The following SEZ6L2 variants were observed in gnomAD, a reference collection of about 807,000 sequenced individuals.
SEZ6L2 encodes seizure 6-like protein 2.
Under a neutral mutation model 97.0 loss-of-function variants are expected in SEZ6L2, and 44 were observed. That is an observed-to-expected ratio of 0.45 (90% confidence interval 0.36 to 0.58). The LOEUF (loss-of-function observed/expected upper bound fraction) is 0.58. SEZ6L2 is among the 20% of genes least tolerant of loss of function. SEZ6L2 has a pLI of 0.00. For missense variants in SEZ6L2, 1,086 were observed against 1,233.3 expected, an observed-to-expected ratio of 0.88 and a Z score of 1.79; for synonymous variants, 543 against 546.1, an observed-to-expected ratio of 0.99 and a Z score of 0.08.
chr16:29,895,553 G>A (rs749795417), intron 4 of SEZ6L2, 93 bp from the exon 5 acceptor site: 6 of 1,451,898 alleles, frequency 4.1e-6, no homozygotes, highest in Non-Finnish European at 5.6e-6. Flanking sequence ...GTGTGTAGCA[G>A]CCCAAAAGGC....
rs1027726781 is a variant in SEZ6L2 at position 29,899,259 on chromosome 16, T to A, written c.-240A>T. 2.2e-6 allele frequency: 1 copy of A among 460,464 alleles called. No homozygotes were observed. Among genetic ancestry groups the A allele is most frequent in the African/African-American group, 2.1e-5 (1 of 47,620 alleles). 28.5% of individuals were successfully genotyped at this position (460,464 alleles called of 1,614,324 possible). On this transcript the variant is annotated 5_prime_UTR_variant, in exon 1 of 18. Coordinates refer to ENST00000617533, the MANE Select transcript of SEZ6L2 (RefSeq NM_001243332.2). ...CTCCTCTGTCCTCTTCTCGCGGCTC[T>A]GTGGTGGAGGGGGCGCGGCTCCGGC...
Position 29,895,527 on chromosome 16 carries a change from C to A in SEZ6L2, c.652-67G>T. 3 of 1,557,452 alleles carry A rather than the reference C, an allele frequency of 1.9e-6. No individual in the cohort carries two copies. The South Asian group carries it at 3.5e-5, about 18-fold the overall frequency. ...GGTGTTTGACTTCCAAAGCCCCTGT[C>A]CTGTGCCTTTGCCCTGTGTGTAGCA... On this transcript the variant is annotated intron_variant, in intron 4 of 17. Transcript: ENST00000617533.
chr16:29,894,922 G>A (rs1596991084), intron 5 of SEZ6L2, among the ~76,000 whole-genome samples: 1 of 152,120 alleles, frequency 6.6e-6, no homozygotes, highest in Non-Finnish European at 1.5e-5. Flanking sequence ...GCTCTTGCCT[G>A]TAATCCCAGC....
chr16:29,892,597 C>A (rs2068292664), intron 5 of SEZ6L2, among the ~76,000 whole-genome samples: 1 of 152,216 alleles, frequency 6.6e-6, no homozygotes, highest in African/African-American at 2.4e-5. Flanking sequence ...GCAGAGGCCT[C>A]AAAAGAGGCT....
In SEZ6L2 at chr16:29,887,671, A is replaced by G; in HGVS notation, c.1186T>C (p.Ser396Pro). ...RRLHLHFERV[S>P]LDEDNDRLMV... is the part of the protein sequence containing the mutation. ...TACCGGTCATTGTCCTCATCCAGCG[A>G]GACCCTTTCAAAGTGCAGGTGCAGC... The change falls in exon 7 of 18, where the codon TCG (serine) becomes CCG (proline). Residue 396 changes from serine (S) to proline (P), a missense_variant. By Grantham distance (74) the Ser-to-Pro change is moderately conservative. This residue lies in a region of SEZ6L2 where 776 missense variants were observed against 794.7 expected (regional missense o/e 0.98). Coordinates refer to ENST00000617533, the MANE Select transcript of SEZ6L2 (RefSeq NM_001243332.2). The G allele has an allele frequency of 6.3e-7, 1 of 1,595,272 alleles. No individual in the cohort carries two copies. The highest frequency in any genetic ancestry group is 8.6e-7 in the Non-Finnish European group (1 of 1,169,042).
chr16:29,871,593 G>A lies in SEZ6L2; in HGVS notation c.*106C>T. On this transcript the variant is annotated 3_prime_UTR_variant, in exon 18 of 18. Coordinates refer to ENST00000617533, the MANE Select transcript of SEZ6L2 (RefSeq NM_001243332.2). ...GTGGGATAGGGAGACTATTTACACA[G>A]CCAGGGAGGAGGGCAGCCAGGAGGC... 8.8e-7 allele frequency: 1 copy of A among 1,142,308 alleles called. No homozygotes were observed. The highest frequency in any genetic ancestry group is 1.3e-6 in the Non-Finnish European group (1 of 773,204). 70.8% of individuals were successfully genotyped at this position (1,142,308 alleles called of 1,614,324 possible).
chr16:29,891,467 C>T (rs2068270895), intron 5 of SEZ6L2, among the ~76,000 whole-genome samples: 1 of 152,076 alleles, frequency 6.6e-6, no homozygotes, highest in African/African-American at 2.4e-5. Context: ...TGGTGAAACC[C>T]TGTCTCTAAT....
rs778650953 is a variant in SEZ6L2, at chr16:29,878,744, CTAT to C, written c.1574-322_1574-320del. ...GGACTACAGGCGCCGCCACCACACC[CTAT>C]TTTTTTTTCTTTTTTCTTTTTTTTT... is the stretch of plus-strand genomic sequence containing the variant. On this transcript the variant is annotated intron_variant, in intron 9 of 17. Transcript: ENST00000617533. Among the ~76,000 whole-genome samples, 199 of 149,570 alleles carry C rather than the reference CTAT, an allele frequency of 1.3e-3. 2 individuals are homozygous for C. The Middle Eastern group carries it at 0.024, about 18-fold the overall frequency.
chr16:29,898,037 C>T, intron 1 of SEZ6L2, 53 bp from the exon 2 acceptor site: 12 of 1,605,478 alleles, frequency 7.5e-6, no homozygotes, highest in Non-Finnish European at 1.0e-5. Context: ...CCTTCCTTCT[C>T]CAGAGAGATA....
chr16:29,895,655 G>A (rs2068369373), intron 4 of SEZ6L2, 66 bp downstream of exon 4: 9 of 1,549,054 alleles, frequency 5.8e-6, no homozygotes, highest in South Asian at 2.4e-5. Flanking sequence ...GGCCAAACCC[G>A]TGCACACCCA....
chr16:29,885,566 T>A lies in SEZ6L2; in HGVS notation c.1372+20A>T. The A allele has an allele frequency of 6.2e-7, 1 of 1,606,824 alleles. No individual in the cohort carries two copies. The highest frequency in any genetic ancestry group is 8.5e-7 in the Non-Finnish European group (1 of 1,174,560). ...GGAAGGTGTGGCGGTTGGGGTCCTG[T>A]GGGGGAGTGGGTCACTTACCTTCAA... On this transcript the variant is annotated intron_variant, in intron 8 of 17. Transcript: ENST00000617533.
At chr16:29,872,129 G>T (rs991651181) in intron 17 of SEZ6L2, 58 bp downstream of exon 17, 4 of 1,364,832 alleles carry the variant, frequency 2.9e-6, no homozygotes, top group South Asian at 1.4e-5. Context: ...TTGCGAGAAG[G>T]TTATGGAGTC....
At position 29,898,988 on chromosome 16, in the gene SEZ6L2, G is replaced by A. The variant is rs2068470069; in HGVS notation, c.32C>T (p.Pro11Leu). ...CAGAATTAGGAACAGCAGCTGGGGA[G>A]GCGGCGGGTGCTGGGCCCTGGGAGT... MGTPRAQHPPPPQLLFLILLS... is the reference protein window; with the variant it reads MGTPRAQHPPLPQLLFLILLS... The change falls in exon 1 of 18, where the codon CCT becomes CTT. Residue 11 changes from proline (P) to leucine (L), a missense_variant. Coordinates refer to ENST00000617533, the MANE Select transcript of SEZ6L2 (RefSeq NM_001243332.2). The A allele has an allele frequency of 6.2e-7, 1 of 1,611,944 alleles. No individual in the cohort carries two copies. Among genetic ancestry groups the A allele is most frequent in the East Asian group, 2.2e-5 (1 of 44,810 alleles).
At chr16:29,891,311 AC>A (rs1210533651) in intron 5 of SEZ6L2, among the ~76,000 whole-genome samples, 1 of 150,588 alleles carries the variant, frequency 6.6e-6, no homozygotes, top group Non-Finnish European at 1.5e-5. Context: ...TGATCCACCT[AC>A]CTTGGCCTCC....
At chr16:29,879,763 A>C (rs189917370) in intron 9 of SEZ6L2, 101 bp downstream of exon 9, 1 of 1,057,466 alleles carries the variant, frequency 9.5e-7, no homozygotes, top group African/African-American at 1.6e-5. Flanking sequence ...GGGTGGATGA[A>C]GTCTGGATGT....
intron 8 of SEZ6L2, among the ~76,000 whole-genome samples, chr16:29,881,620 C>CTTT (rs59318540): frequency 0.023 from 1,954 of 85,018 alleles, 19 homozygotes; most frequent in Non-Finnish European, 0.034. Context: ...ATGAGGAATT[C>CTTT]TTTTTTTTTT....
At chr16:29,881,929 C>CTTTT (rs71143761) in intron 8 of SEZ6L2, among the ~76,000 whole-genome samples, 1 of 110,144 alleles carries the variant, frequency 9.1e-6, no homozygotes, top group African/African-American at 3.3e-5. Context: ...CATACCCGGC[C>CTTTT]TTTTTTTTTT....
At chr16:29,895,044 T>G (rs1183194296) in intron 5 of SEZ6L2, among the ~76,000 whole-genome samples, 1 of 151,856 alleles carries the variant, frequency 6.6e-6, no homozygotes, top group African/African-American at 2.4e-5. Context: ...CTGGGCATGG[T>G]GGCGGGCGTC....
chr16:29,898,845 A>G lies in SEZ6L2; in HGVS notation c.79+96T>C, dbSNP rs190184942. The G allele has an allele frequency of 1.9e-5, 18 of 946,226 alleles. No individual in the cohort carries two copies. In the African/African-American group the frequency reaches 2.8e-4, roughly 15 times the overall value. 58.6% of individuals were successfully genotyped at this position (946,226 alleles called of 1,614,324 possible). A position where few individuals can be genotyped will look rare whatever the true frequency, so the allele number is the denominator to read the frequency against. ...ATCAGCTGTGCCTCTCCCCTCCCCC[A>G]TGTGCTCGGAAGACCCAGGATATTA... is the stretch of plus-strand genomic sequence containing the variant. On this transcript the variant is annotated intron_variant, in intron 1 of 17. Transcript: ENST00000617533.
Sources: allele counts gnomAD v4.1 joint callset (sites outside exome capture counted in the v4.1 genomes callset), GRCh38; gene constraint gnomAD v4.1.1; regional missense constraint gnomAD v4.1.1; transcripts MANE v1.5; gene names NCBI Gene and HGNC (gene_info 2026-07-23, HGNC 2026-07-21).